The following IRAG1 variants were observed in gnomAD, a reference collection of about 807,000 sequenced individuals.
IRAG1 encodes the protein IP3R-associated cGMP kinase substrate.
A neutral mutation model predicts 106.2 loss-of-function variants in IRAG1; 62 were observed. The ratio of observed to expected loss-of-function variants is 0.58; its 90% confidence interval spans 0.48 to 0.72. The LOEUF is 0.72. Ranked by LOEUF, IRAG1 falls within the 30% of genes least tolerant of loss-of-function variation. The probability of loss-of-function intolerance (pLI) is 0.00; values close to 1 mark genes in which losing one functional copy is unlikely to be tolerated. For synonymous variants in IRAG1, 462 were observed against 443.9 expected (o/e 1.04, Z -0.51); for missense variants, 1,064 against 1,140.7 (o/e 0.93, Z 0.97).
At chr11:10,672,892 A>G (rs1268001995) in intron 1 of IRAG1, among the ~76,000 whole-genome samples, 1 of 152,264 alleles carries the variant, frequency 6.6e-6, no homozygotes, top group African/African-American at 2.4e-5. Flanking sequence ...CACTATTTAT[A>G]ATAGCCAAAA....
At chr11:10,661,140 C>G (rs1859365664) in intron 1 of IRAG1, among the ~76,000 whole-genome samples, 1 of 151,922 alleles carries the variant, frequency 6.6e-6, no homozygotes, top group Non-Finnish European at 1.5e-5. Flanking sequence ...CGAGGCTGAT[C>G]CCCTCTTTCA....
At chr11:10,627,500 C>A (rs560889830) in intron 8 of IRAG1, among the ~76,000 whole-genome samples, 8 of 152,096 alleles carry the variant, frequency 5.3e-5, no homozygotes, top group Non-Finnish European at 1.5e-5. Flanking sequence ...ATTGCCTCCA[C>A]GGAGTTCACC....
chr11:10,680,524 A>AAAGGAAGG (rs368939954), intron 1 of IRAG1, among the ~76,000 whole-genome samples: 4,845 of 139,024 alleles, frequency 0.035, 100 homozygotes, highest in Middle Eastern at 0.086. Context: ...AGAAAGGAAG[A>AAAGGAAGG]AAGGAAGGAA....
intron 14 of IRAG1, 102 bp downstream of exon 14, chr11:10,603,018 A>G: frequency 7.3e-7 from 1 of 1,362,526 alleles, no homozygotes; most frequent in Non-Finnish European, 9.9e-7. Context: ...GCCCAGAGGA[A>G]GCCACCTCTA....
intron 1 of IRAG1, among the ~76,000 whole-genome samples, chr11:10,654,708 C>T (rs1544863): frequency 0.31 from 47,037 of 152,058 alleles, 8,355 homozygotes; most frequent in East Asian, 0.82. Flanking sequence ...CCTGTGGGAA[C>T]TGGGATGGTG....
chr11:10,581,613 C>T (rs986994873), intron 19 of IRAG1, among the ~76,000 whole-genome samples: 8 of 151,964 alleles, frequency 5.3e-5, no homozygotes, highest in African/African-American at 9.7e-5. Context: ...CTATTCTGAG[C>T]GGTGGCATTC....
At position 10,628,909 on chromosome 11, in the gene IRAG1, C is replaced by T. The variant is rs183361190; in HGVS notation, c.575-81G>A. On this transcript the variant is annotated intron_variant, in intron 5 of 20. Coordinates refer to ENST00000423302, the MANE Select transcript of IRAG1 (RefSeq NM_130385.4). The surrounding 1 kb of genome is among the most constrained non-coding windows in gnomAD (Gnocchi z 4.1). ...GGCAAAGGCATCCTTTTAGGTATTC[C>T]CAGGCCCTGGGAACTGGGTCTGCCT... The T allele has an allele frequency of 2.9e-4, 401 of 1,365,232 alleles. 1 individual carries two copies. In the African/African-American group the frequency reaches 5.5e-3, roughly 19 times the overall value. 84.6% of individuals were successfully genotyped at this position (1,365,232 alleles called of 1,614,324 possible).
At position 10,673,016 on chromosome 11, in the gene IRAG1, C is replaced by T. The variant is rs150189928; in HGVS notation, c.67+20520G>A. ...AGGAATGAAGAGCCAGGCGCGGTGG[C>T]TCACACTTGTAATCCCAGCACTTTG... On this transcript the variant is annotated intron_variant, in intron 1 of 20. Coordinates refer to ENST00000423302, the MANE Select transcript of IRAG1 (RefSeq NM_130385.4). 4.3e-3 allele frequency among the ~76,000 whole-genome samples: 648 copies of T among 152,286 alleles called. 5 individuals carry two copies. Among genetic ancestry groups the T allele is most frequent in the African/African-American group, 0.014 (593 of 41,562 alleles).
At chr11:10,616,121 T>C (rs1410841079) in intron 10 of IRAG1, among the ~76,000 whole-genome samples, 4 of 150,388 alleles carry the variant, frequency 2.7e-5, no homozygotes, top group Non-Finnish European at 5.9e-5. Context: ...CTGGCTAACG[T>C]GGTGAAACCC....
chr11:10,656,968 G>A (rs1405883897), intron 1 of IRAG1, among the ~76,000 whole-genome samples: 2 of 152,164 alleles, frequency 1.3e-5, no homozygotes, highest in African/African-American at 2.4e-5. Context: ...CACTTCGGTT[G>A]TCGGGCCGGG....
At chr11:10,646,280 A>G (rs556265697) in intron 2 of IRAG1, among the ~76,000 whole-genome samples, 1 of 152,332 alleles carries the variant, frequency 6.6e-6, no homozygotes, top group Admixed American at 6.5e-5. Flanking sequence ...GAGTGTGGAA[A>G]AACACAGTAT....
intron 1 of IRAG1, among the ~76,000 whole-genome samples, chr11:10,689,772 T>C (rs1308972583): frequency 6.6e-6 from 1 of 152,090 alleles, no homozygotes; most frequent in African/African-American, 2.4e-5. Flanking sequence ...GACTAAAAAA[T>C]AGCATATACA....
intron 4 of IRAG1, chr11:10,629,921 C>T (rs530154639): frequency 1.7e-4 from 92 of 548,512 alleles, no homozygotes; most frequent in Non-Finnish European, 2.4e-4. Flanking sequence ...TGTGGTCCTC[C>T]GTCACAAATG....
chr11:10,603,207 G>A lies in IRAG1; in HGVS notation c.1788C>T (p.Tyr596=). The change falls in exon 14 of 21, where the codon TAC becomes TAT. Residue 596 remains tyrosine (Y), a synonymous_variant. Coordinates refer to ENST00000423302, the MANE Select transcript of IRAG1 (RefSeq NM_130385.4). ...LWHHCEHRET[Y]QKLLEDIAVL... ...CAGCGATGTCCTCCAGCAACTTCTGGTAGGTTTCCCGGTGCTCACAGTGGT... is the reference window on the plus strand; with the variant it reads ...CAGCGATGTCCTCCAGCAACTTCTGATAGGTTTCCCGGTGCTCACAGTGGT... 1 of 1,613,634 alleles carries A rather than the reference G, an allele frequency of 6.2e-7. No homozygotes were observed.
chr11:10,597,215 T>C (rs1420607856), intron 15 of IRAG1, among the ~76,000 whole-genome samples: 3 of 152,354 alleles, frequency 2.0e-5, no homozygotes, highest in Non-Finnish European at 2.9e-5. Context: ...ATCTAAACTC[T>C]TGAGTTTTTG....
chr11:10,623,983 T>C, intron 9 of IRAG1, 127 bp from the exon 10 acceptor site: 2 of 770,070 alleles, frequency 2.6e-6, no homozygotes, highest in South Asian at 3.2e-5. Flanking sequence ...GAGAGGTGGG[T>C]GGGCAGGCAT....
At chr11:10,607,495 C>A (rs767363349) in intron 11 of IRAG1, among the ~76,000 whole-genome samples, 10 of 152,340 alleles carry the variant, frequency 6.6e-5, no homozygotes, top group Admixed American at 5.9e-4. Context: ...GCAGTCCCTG[C>A]ATCTGCATGT....
chr11:10,621,585 TA>T (rs1014414056), intron 10 of IRAG1, among the ~76,000 whole-genome samples: 4 of 152,120 alleles, frequency 2.6e-5, no homozygotes, highest in African/African-American at 9.7e-5. Flanking sequence ...TTGTGCAGCT[TA>T]AAAAAAGTTT....
intron 15 of IRAG1, among the ~76,000 whole-genome samples, chr11:10,596,373 C>T (rs938566325): frequency 1.3e-5 from 2 of 152,180 alleles, no homozygotes; most frequent in Admixed American, 1.3e-4. Flanking sequence ...CCATTGGCTT[C>T]TTCTATTATT....
Sources: allele counts gnomAD v4.1 joint callset (sites outside exome capture counted in the v4.1 genomes callset), GRCh38; gene constraint gnomAD v4.1.1; non-coding constraint Gnocchi (gnomAD v3.1); transcripts MANE v1.5; gene names NCBI Gene and HGNC (gene_info 2026-07-23, HGNC 2026-07-21).